The following RGS12 variants were observed in gnomAD, a reference collection of about 807,000 sequenced individuals.
RGS12 encodes the protein regulator of G protein signaling 12.
RGS12 carries 66 observed loss-of-function variants against 120.1 expected under a neutral mutation model. The observed-to-expected ratio is 0.55, with a 90% CI of 0.45 to 0.67. The LOEUF is 0.67. RGS12 is among the 30% of genes least tolerant of loss of function. The pLI is 0.00. For missense variants in RGS12, 1,859 were observed against 1,957.7 expected (o/e 0.95, Z 0.95); for synonymous variants, 827 against 804.7 (o/e 1.03, Z -0.47).
intron 1 of RGS12, among the ~76,000 whole-genome samples, chr4:3,296,141 T>A (rs1024895733): frequency 1.3e-5 from 2 of 152,190 alleles, no homozygotes; most frequent in African/African-American, 4.8e-5. Context: ...GGCTCCCGGC[T>A]CCTGCCCTGC....
Position 3,363,044 on chromosome 4 carries a change from G to GGT in RGS12, c.1998+19994_1998+19995dup, listed in dbSNP as rs759503590. 1.1e-3 allele frequency among the ~76,000 whole-genome samples: 165 copies of GGT among 150,876 alleles called. 1 individual carries two copies. Among genetic ancestry groups the GGT allele is most frequent in the African/African-American group, 3.8e-3 (154 of 40,960 alleles). On this transcript the variant is annotated intron_variant, in intron 3 of 17. Coordinates refer to ENST00000336727, the MANE Select transcript of RGS12 (RefSeq NM_001394154.1). ...ATGGCAAGGCCATTTGGAACGCGAG[G>GGT]GTGTATGTGTGTGTGTGTGAAATAG...
chr4:3,304,850 T>C (rs1381938496), intron 1 of RGS12, among the ~76,000 whole-genome samples: 2 of 152,180 alleles, frequency 1.3e-5, no homozygotes, highest in African/African-American at 2.4e-5. Flanking sequence ...ACGTGGCACG[T>C]TGGTTCGCTG....
At chr4:3,296,381 G>C (rs1305656093) in intron 1 of RGS12, among the ~76,000 whole-genome samples, 5 of 151,772 alleles carry the variant, frequency 3.3e-5, no homozygotes, top group African/African-American at 1.2e-4. Context: ...GTAGAGATGG[G>C]GTCTCACTAT....
chr4:3,428,111 G>A lies in RGS12; in HGVS notation c.3353G>A (p.Gly1118Asp). Residue 1118 changes from glycine to aspartate, a missense_variant, in exon 15 of 18, where the codon GGT (glycine) becomes GAT (aspartate). Gly to Asp is a moderately conservative substitution (Grantham distance 94). Coordinates refer to ENST00000336727, the MANE Select transcript of RGS12 (RefSeq NM_001394154.1). The stretch of plus-strand genomic sequence containing the variant: ...TTAGCATCCGCAGATAAACAGAAAG[G>A]TGTGCCAGTGAAACAGAACACAGCT... ...RGKASADKQK[G>D]VPVKQNTAVN... The A allele has an allele frequency of 6.2e-7, 1 of 1,613,694 alleles. No homozygotes were observed. The highest frequency in any genetic ancestry group is 1.1e-5 in the South Asian group (1 of 91,078).
At chr4:3,332,048 G>A (rs888695200) in intron 2 of RGS12, among the ~76,000 whole-genome samples, 1 of 152,226 alleles carries the variant, frequency 6.6e-6, no homozygotes, top group African/African-American at 2.4e-5. Flanking sequence ...CCACCGTCCT[G>A]GAATAGGGCA....
chr4:3,305,809 G>A (rs1723942771), intron 1 of RGS12, among the ~76,000 whole-genome samples: 1 of 152,228 alleles, frequency 6.6e-6, no homozygotes, highest in African/African-American at 2.4e-5. Flanking sequence ...GCCCTTGGAG[G>A]CTTTGATTCC....
At chr4:3,370,347 C>A in intron 3 of RGS12, 1 of 1,610,342 alleles carries the variant, frequency 6.2e-7, no homozygotes, top group Non-Finnish European at 8.5e-7. Flanking sequence ...TTTTTCTTTT[C>A]ATTTAATCAG....
chr4:3,429,589 G>C (rs979098214), intron 16 of RGS12, among the ~76,000 whole-genome samples: 1 of 152,254 alleles, frequency 6.6e-6, no homozygotes, highest in African/African-American at 2.4e-5. Flanking sequence ...CAATGCTAGA[G>C]AAAGCCCAGT....
At chr4:3,364,307 C>T (rs1364111133) in intron 3 of RGS12, among the ~76,000 whole-genome samples, 5 of 152,112 alleles carry the variant, frequency 3.3e-5, no homozygotes, top group Non-Finnish European at 7.4e-5. Context: ...TTGGGGCCTC[C>T]GTGTCTGAGG....
chr4:3,415,858 G>A (rs1722337064), intron 6 of RGS12, 120 bp from the exon 7 acceptor site: 2 of 968,000 alleles, frequency 2.1e-6, no homozygotes, highest in Middle Eastern at 6.7e-4. Flanking sequence ...TCAAGCAAGA[G>A]GTATTTACTG....
chr4:3,345,710 T>G (rs758755570), intron 3 of RGS12, among the ~76,000 whole-genome samples: 20 of 152,242 alleles, frequency 1.3e-4, no homozygotes, highest in Non-Finnish European at 2.2e-4. Flanking sequence ...CTGTTAGGAG[T>G]TGTACTTCTG....
intron 2 of RGS12, among the ~76,000 whole-genome samples, chr4:3,321,295 C>T (rs1331410140): frequency 6.6e-6 from 1 of 152,138 alleles, no homozygotes; most frequent in African/African-American, 2.4e-5. Context: ...GTGAGTCCAT[C>T]GCAGCTGTGA....
intron 3 of RGS12, among the ~76,000 whole-genome samples, chr4:3,379,813 GAC>G (rs904692326): frequency 1.3e-5 from 2 of 152,190 alleles, no homozygotes; most frequent in African/African-American, 4.8e-5. Context: ...TCCCTCCCAT[GAC>G]ACATGGGGAT....
chr4:3,431,038 C>T (rs945801871), intron 17 of RGS12, 83 bp downstream of exon 17: 46 of 1,523,078 alleles, frequency 3.0e-5, no homozygotes, highest in Admixed American at 8.0e-5. Flanking sequence ...AGTGGGCCCC[C>T]GGCTGCCACT....
chr4:3,288,401 C>T (rs2110336055), upstream of RGS12, among the ~76,000 whole-genome samples: 1 of 152,158 alleles, frequency 6.6e-6, no homozygotes, highest in East Asian at 1.9e-4. This position sits in a 1 kb window ranked among gnomAD's most constrained non-coding sequence, Gnocchi z 5.2. Flanking sequence ...CAGCACTCCC[C>T]TCTGGGCCTG....
rs775997770 is a variant in RGS12, at chr4:3,343,000, T to C, written c.1945T>C (p.Ser649Pro). The C allele has an allele frequency of 6.2e-7, 1 of 1,613,724 alleles. No homozygotes were observed. The highest frequency in any genetic ancestry group is 1.1e-5 in the South Asian group (1 of 91,068). ...TTCTCAACGCACGTCTGCTCGGAGA[T>C]CATTTGGGAGATCCAAGAGATTCAG... ...QPSQRTSARR[S>P]FGRSKRFSIT... The change falls in exon 3 of 18, where the codon TCA (serine) becomes CCA (proline). Residue 649 changes from serine (S) to proline (P), a missense_variant. Ser to Pro is a moderately conservative substitution (Grantham distance 74). Around this residue, in one of 3 missense-constraint regions of RGS12, gnomAD observed 967 missense variants for 994.2 expected, o/e 0.97. Coordinates refer to ENST00000336727, the MANE Select transcript of RGS12 (RefSeq NM_001394154.1).
chr4:3,425,612 G>A (rs1723530492), intron 14 of RGS12, 52 bp downstream of exon 14: 1 of 1,440,906 alleles, frequency 6.9e-7, no homozygotes, highest in Non-Finnish European at 9.7e-7. Context: ...GTCCAGTGCA[G>A]GGGAGGGGGC....
At chr4:3,288,854 C>T (rs1242940001), upstream of RGS12, among the ~76,000 whole-genome samples, 1 of 152,170 alleles carries the variant, frequency 6.6e-6, no homozygotes, top group Admixed American at 6.5e-5. The surrounding 1 kb of genome is among the most constrained non-coding windows in gnomAD (Gnocchi z 5.2). Context: ...TCCCAGCTCT[C>T]CTTGTCTCTA....
At chr4:3,300,258 C>T (rs559322573) in intron 1 of RGS12, among the ~76,000 whole-genome samples, 8 of 152,304 alleles carry the variant, frequency 5.3e-5, no homozygotes, top group South Asian at 4.1e-4. Flanking sequence ...ACAGCAGTGC[C>T]GCGGGCTCTG....
Sources: allele counts gnomAD v4.1 joint callset (sites outside exome capture counted in the v4.1 genomes callset), GRCh38; gene constraint gnomAD v4.1.1; regional missense constraint gnomAD v4.1.1; non-coding constraint Gnocchi (gnomAD v3.1); transcripts MANE v1.5; gene names NCBI Gene and HGNC (gene_info 2026-07-23, HGNC 2026-07-21).